The following ADAMTS14 variants were observed in gnomAD, a reference collection of about 807,000 sequenced individuals.
ADAMTS14 encodes A disintegrin and metalloproteinase with thrombospondin motifs 14.
In ADAMTS14, 100 loss-of-function variants were observed where a neutral mutation model predicts 128.6. The ratio of observed to expected loss-of-function variants is 0.78; its 90% CI spans 0.66 to 0.92. The LOEUF is 0.92. Among genes scored for constraint, ADAMTS14 ranks in the 40% least tolerant of loss-of-function variants. The pLI is 0.00. For missense variants in ADAMTS14, 1,562 were observed against 1,658.6 expected, an observed-to-expected ratio of 0.94 and a Z score of 1.01; for synonymous variants, 665 against 653.8, an observed-to-expected ratio of 1.02 and a Z score of -0.26.
chr10:70,672,986 G>C, intron 1 of ADAMTS14, 102 bp downstream of exon 1: 1 of 1,335,674 alleles, frequency 7.5e-7, no homozygotes, highest in African/African-American at 1.5e-5. Flanking sequence ...TCCCGCGGGT[G>C]GGAGGCAGTA....
chr10:70,731,610 C>T (rs1841641220), intron 6 of ADAMTS14, among the ~76,000 whole-genome samples: 1 of 152,184 alleles, frequency 6.6e-6, no homozygotes, highest in African/African-American at 2.4e-5. Context: ...TGTGTCCTCC[C>T]CACCTCTGAA....
At chr10:70,733,570 C>T (rs936280163) in intron 7 of ADAMTS14, among the ~76,000 whole-genome samples, 8 of 152,172 alleles carry the variant, frequency 5.3e-5, no homozygotes, top group African/African-American at 1.9e-4. Flanking sequence ...CAGCTAGGAC[C>T]AGTGGCCGAG....
At position 70,762,285 on chromosome 10, in the gene ADAMTS14, C is replaced by CGCCCTCCCCCTGTT. The variant is rs1470220594; in HGVS notation, c.*1442_*1455dup. 2.0e-5 allele frequency: 3 copies of CGCCCTCCCCCTGTT among 152,312 alleles called. No homozygotes were observed. The highest frequency in any genetic ancestry group is 4.4e-5 in the Non-Finnish European group (3 of 68,118). 9.4% of individuals were successfully genotyped at this position (152,312 alleles called of 1,614,324 possible). On this transcript the variant is annotated 3_prime_UTR_variant, in exon 22 of 22. Transcript: ENST00000373207. ...AGAGTGGAGGTCCTGGGGGGCTCCC[C>CGCCCTCCCCCTGTT]GCCCTCCCCCTGTTGCCCTCCCCTC...
intron 4 of ADAMTS14, among the ~76,000 whole-genome samples, chr10:70,716,258 C>T (rs1293920831): frequency 6.6e-6 from 1 of 152,186 alleles, no homozygotes; most frequent in African/African-American, 2.4e-5. Flanking sequence ...CTGGGTTGCC[C>T]TGTGAATGTG....
intron 1 of ADAMTS14, among the ~76,000 whole-genome samples, chr10:70,674,119 AGTTTGGGGAGGAG>A (rs1564513977): frequency 3.9e-5 from 6 of 152,172 alleles, no homozygotes; most frequent in Admixed American, 1.3e-4. Flanking sequence ...CGTTCTTGGA[AGTTTGGGGAGGAG>A]GGCACTACCC....
At position 70,672,856 on chromosome 10, in the gene ADAMTS14, C is replaced by T; in HGVS notation, c.54C>T (p.Leu18=). 2 of 1,507,060 alleles carry T rather than the reference C, an allele frequency of 1.3e-6. No homozygotes were observed. Among genetic ancestry groups the T allele is most frequent in the Non-Finnish European group, 1.8e-6 (2 of 1,133,164 alleles). 93.4% of individuals were successfully genotyped at this position (1,507,060 alleles called of 1,614,324 possible). ...ACCTGCTGCCTTTGCACTGTGCGCT[C>T]TGCGCCGCCGCGGGCAGCCGGACCC... is the stretch of plus-strand genomic sequence containing the variant. ...LSYLLPLHCA[L]CAAAGSRTPE... is the part of the protein sequence containing the mutation. Residue 18 remains leucine, a synonymous_variant, in exon 1 of 22, where the codon CTC becomes CTT. Transcript: ENST00000373207.
At chr10:70,759,323 C>T (rs1244607332) in intron 21 of ADAMTS14, among the ~76,000 whole-genome samples, 1 of 152,042 alleles carries the variant, frequency 6.6e-6, no homozygotes, top group Non-Finnish European at 1.5e-5. Context: ...GTCTCTCTTT[C>T]CCTCTGTCCC....
intron 7 of ADAMTS14, 47 bp from the exon 8 acceptor site, chr10:70,733,838 G>A (rs1171120684): frequency 4.5e-6 from 7 of 1,570,912 alleles, no homozygotes; most frequent in Middle Eastern, 1.7e-4. Flanking sequence ...CCTTCCCGGG[G>A]CAGGCTCCTG....
At chr10:70,680,498 A>C (rs979414822) in intron 2 of ADAMTS14, among the ~76,000 whole-genome samples, 7 of 152,246 alleles carry the variant, frequency 4.6e-5, no homozygotes, top group Non-Finnish European at 8.8e-5. Context: ...CGTAATTCCA[A>C]GGAAATAGTC....
intron 19 of ADAMTS14, among the ~76,000 whole-genome samples, chr10:70,756,838 T>A (rs1351404224): frequency 6.6e-6 from 1 of 152,230 alleles, no homozygotes; most frequent in Non-Finnish European, 1.5e-5. Context: ...TGAGTGCTTT[T>A]TCCCCTGGTC....
chr10:70,719,954 G>C (rs1221960459), intron 4 of ADAMTS14, among the ~76,000 whole-genome samples: 1 of 152,254 alleles, frequency 6.6e-6, no homozygotes, highest in African/African-American at 2.4e-5. Context: ...GCCAGCCTGG[G>C]ACATCGAGGC....
chr10:70,738,999 G>A lies in ADAMTS14; in HGVS notation c.1748+9G>A. The A allele has an allele frequency of 6.3e-7, 1 of 1,599,488 alleles. No homozygotes were observed. Among genetic ancestry groups the A allele is most frequent in the Non-Finnish European group, 8.5e-7 (1 of 1,172,596 alleles). ...AGCTGCAACAACCCCTCGTGAGTGT[G>A]CTTGGCTAGGGTGGGGAGGGCAGGG... On this transcript the variant is annotated intron_variant, in intron 11 of 21. Coordinates refer to ENST00000373207, the MANE Select transcript of ADAMTS14 (RefSeq NM_080722.4).
chr10:70,737,228 C>CA (rs1366498550), intron 10 of ADAMTS14, among the ~76,000 whole-genome samples: 1 of 152,200 alleles, frequency 6.6e-6, no homozygotes, highest in Non-Finnish European at 1.5e-5. Flanking sequence ...GCATGAGACA[C>CA]ACGTGTTCTC....
Position 70,735,204 on chromosome 10 carries a change from C to G in ADAMTS14, c.1388C>G (p.Pro463Arg), listed in dbSNP as rs774188465. The stretch of plus-strand genomic sequence containing the variant: ...TGCCTCCTCGATGACCCCTTTGATC[C>G]TGCCTGGCCCCAGCCCCCAGAGCTG... ...YDCLLDDPFD[P>R]AWPQPPELPG... Residue 463 changes from proline (P) to arginine (R), a missense_variant, in exon 9 of 22, where the codon CCT becomes CGT. Coordinates refer to ENST00000373207, the MANE Select transcript of ADAMTS14 (RefSeq NM_080722.4). The G allele has an allele frequency of 1.9e-6, 3 of 1,613,346 alleles. No homozygotes were observed. In the African/African-American group the frequency reaches 4.0e-5, roughly 22 times the overall value.
chr10:70,757,787 G>C (rs1400671972), intron 19 of ADAMTS14, among the ~76,000 whole-genome samples, 175 bp from the exon 20 acceptor site: 1 of 152,194 alleles, frequency 6.6e-6, no homozygotes, highest in African/African-American at 2.4e-5. Flanking sequence ...TCCCACTGAG[G>C]CTCCTTAGAA....
At chr10:70,755,608 G>C (rs942996304) in intron 19 of ADAMTS14, among the ~76,000 whole-genome samples, 3 of 152,244 alleles carry the variant, frequency 2.0e-5, no homozygotes, top group African/African-American at 7.2e-5. Flanking sequence ...ACTTTGGGAA[G>C]CCAAGGCAGG....
At chr10:70,729,925 A>G (rs1212554223) in intron 5 of ADAMTS14, among the ~76,000 whole-genome samples, 177 bp from the exon 6 acceptor site, 1 of 152,178 alleles carries the variant, frequency 6.6e-6, no homozygotes, top group Non-Finnish European at 1.5e-5. Flanking sequence ...ATCATCCCTG[A>G]AAGCAGGCAG....
intron 8 of ADAMTS14, among the ~76,000 whole-genome samples, chr10:70,734,407 C>T (rs1332920157): frequency 6.6e-6 from 1 of 152,112 alleles, no homozygotes; most frequent in Non-Finnish European, 1.5e-5. Context: ...GGCTCTAAAC[C>T]CAGTGGCTCC....
intron 16 of ADAMTS14, 83 bp downstream of exon 16, chr10:70,750,068 G>A (rs1482291522): frequency 5.2e-6 from 8 of 1,550,112 alleles, no homozygotes; most frequent in Non-Finnish European, 7.0e-6. Context: ...AAGCCAGCGT[G>A]ACACCATTCT....
Sources: allele counts gnomAD v4.1 joint callset (sites outside exome capture counted in the v4.1 genomes callset), GRCh38; gene constraint gnomAD v4.1.1; transcripts MANE v1.5; gene names NCBI Gene and HGNC (gene_info 2026-07-23, HGNC 2026-07-21).